Variants in MB21D2 observed in about 807,000 individuals in gnomAD.
The protein encoded by MB21D2 is nucleotidyltransferase MB21D2.
A neutral mutation model predicts 33.3 loss-of-function variants in MB21D2; 9 were observed. The ratio of observed to expected loss-of-function variants is 0.27; its 90% CI spans 0.16 to 0.47. MB21D2 has a LOEUF of 0.47. MB21D2 is among the 20% of genes least tolerant of loss of function. MB21D2 has a pLI of 0.99. For missense variants in MB21D2, 540 were observed against 624.6 expected, an observed-to-expected ratio of 0.86 and a Z score of 1.44; for synonymous variants, 241 against 236.3, an observed-to-expected ratio of 1.02 and a Z score of -0.18.
rs763164683 is a variant in MB21D2 at position 192,823,512 on chromosome 3, G to A, written c.212-23862C>T. Among the ~76,000 whole-genome samples, 18 of 152,184 alleles carry A rather than the reference G, an allele frequency of 1.2e-4. 1 individual carries two copies. Among genetic ancestry groups the A allele is most frequent in the East Asian group, 9.7e-4 (5 of 5,164 alleles). ...CTACCAAAACTACAAAAAATTAGCC[G>A]GGTGTGGTGGCGCATGCCTGTAATC... On this transcript the variant is annotated intron_variant, in intron 1 of 1. Coordinates refer to ENST00000392452, the MANE Select transcript of MB21D2 (RefSeq NM_178496.4).
chr3:192,849,309 C>CT (rs1430101118), intron 1 of MB21D2, among the ~76,000 whole-genome samples: 2,029 of 69,198 alleles, frequency 0.029, 101 homozygotes, highest in African/African-American at 0.063. Flanking sequence ...TTTCACGTCT[C>CT]TTTTTTTGGG....
intron 1 of MB21D2, among the ~76,000 whole-genome samples, chr3:192,810,305 G>C (rs1364833784): frequency 6.6e-6 from 1 of 152,138 alleles, no homozygotes; most frequent in Non-Finnish European, 1.5e-5. Context: ...AAAAAAAGGT[G>C]TCACTATCCA....
intron 1 of MB21D2, among the ~76,000 whole-genome samples, chr3:192,823,974 G>A (rs1437685793): frequency 1.3e-5 from 2 of 152,112 alleles, no homozygotes; most frequent in Non-Finnish European, 1.5e-5. Context: ...TGCATTTCAG[G>A]AACTTGTTTT....
intron 1 of MB21D2, among the ~76,000 whole-genome samples, chr3:192,839,508 A>C (rs969330842): frequency 6.6e-6 from 1 of 152,234 alleles, no homozygotes; most frequent in Admixed American, 6.5e-5. Flanking sequence ...TAAATGTTTA[A>C]ATGTCCATTT....
At position 192,845,608 on chromosome 3, in the gene MB21D2, T is replaced by C. The variant is rs377700846; in HGVS notation, c.212-45958A>G. Among the ~76,000 whole-genome samples, 7 of 152,282 alleles carry C rather than the reference T, an allele frequency of 4.6e-5. No homozygotes were observed. The East Asian group carries it at 7.7e-4, about 17-fold the overall frequency. ...TCTGAATGTTCCACACCCTAACGGG[T>C]TGATAATCTCTGCCTTCACCACAGT... is the stretch of plus-strand genomic sequence containing the variant. On this transcript the variant is annotated intron_variant, in intron 1 of 1. Transcript: ENST00000392452.
chr3:192,812,759 C>G (rs1038834065), intron 1 of MB21D2, among the ~76,000 whole-genome samples: 4 of 152,182 alleles, frequency 2.6e-5, no homozygotes, highest in African/African-American at 9.7e-5. Context: ...TTTTAGTCAA[C>G]AACCTCATCA....
At chr3:192,887,929 A>AGGTGCT (rs1312373683) in intron 1 of MB21D2, among the ~76,000 whole-genome samples, 1 of 151,980 alleles carries the variant, frequency 6.6e-6, no homozygotes, top group East Asian at 1.9e-4. Context: ...ACAAGCTCCC[A>AGGTGCT]GGTGCTGGTG....
intron 1 of MB21D2, among the ~76,000 whole-genome samples, chr3:192,831,951 A>G (rs903938987): frequency 6.6e-6 from 1 of 152,134 alleles, no homozygotes; most frequent in African/African-American, 2.4e-5. Flanking sequence ...TTGCCAACTC[A>G]CTTTTAATGC....
chr3:192,895,972 C>A (rs11716856), intron 1 of MB21D2, among the ~76,000 whole-genome samples: 10,524 of 152,176 alleles, frequency 0.069, 519 homozygotes, highest in Non-Finnish European at 0.1. Flanking sequence ...TATGCTACTT[C>A]TCTTTTTACA....
At chr3:192,905,049 G>A (rs1374905049) in intron 1 of MB21D2, among the ~76,000 whole-genome samples, 1 of 152,238 alleles carries the variant, frequency 6.6e-6, no homozygotes, top group Non-Finnish European at 1.5e-5. Flanking sequence ...ACAAACTGTT[G>A]AGTTGCCTTT....
At chr3:192,813,299 AATT>A (rs143483683) in intron 1 of MB21D2, among the ~76,000 whole-genome samples, 72,053 of 147,428 alleles carry the variant, frequency 0.49, 17,426 homozygotes, top group South Asian at 0.56. Flanking sequence ...TACTGCAGTT[AATT>A]TTTTTTTTTT....
intron 1 of MB21D2, among the ~76,000 whole-genome samples, chr3:192,857,647 A>G (rs1439260735): frequency 6.6e-6 from 1 of 152,174 alleles, no homozygotes; most frequent in Non-Finnish European, 1.5e-5. Context: ...TAAAGAGAAA[A>G]AAAAAAACCT....
intron 1 of MB21D2, among the ~76,000 whole-genome samples, chr3:192,878,533 C>T (rs1283921201): frequency 1.3e-5 from 2 of 152,070 alleles, no homozygotes; most frequent in African/African-American, 2.4e-5. Context: ...TTTTTATAGC[C>T]CTAAAAAACA....
At chr3:192,849,964 G>T (rs1431564181) in intron 1 of MB21D2, among the ~76,000 whole-genome samples, 1 of 151,094 alleles carries the variant, frequency 6.6e-6, no homozygotes, top group Admixed American at 6.6e-5. Context: ...TGTCACCCAG[G>T]CCGGAGTGCA....
intron 1 of MB21D2, among the ~76,000 whole-genome samples, chr3:192,892,535 G>T (rs1470692736): frequency 6.6e-6 from 1 of 152,176 alleles, no homozygotes; most frequent in Non-Finnish European, 1.5e-5. Context: ...CTGCCTCCCA[G>T]GTTCAAGAGA....
chr3:192,908,796 G>A (rs1009213583), intron 1 of MB21D2, among the ~76,000 whole-genome samples: 4 of 151,958 alleles, frequency 2.6e-5, no homozygotes, highest in African/African-American at 4.8e-5. Flanking sequence ...AAAATAAAGC[G>A]GACATAAGGT....
In MB21D2 at chr3:192,797,636, TATA is replaced by T. The variant is rs887454885; in HGVS notation, c.*747_*749del. ...GGCAAAGATTAGTGCAAATAATAAT[TATA>T]ATGGTATGTTCTTTAATAGGATTTA... On this transcript the variant is annotated 3_prime_UTR_variant, in exon 2 of 2. Coordinates refer to ENST00000392452, the MANE Select transcript of MB21D2 (RefSeq NM_178496.4). 1.3e-5 allele frequency: 2 copies of T among 152,648 alleles called. No homozygotes were observed. Among genetic ancestry groups the T allele is most frequent in the African/African-American group, 4.8e-5 (2 of 41,452 alleles). The allele number at this position is 152,648 out of a possible 1,614,324, so 9.5% of individuals were successfully genotyped here.
At chr3:192,898,973 G>A (rs1002692063) in intron 1 of MB21D2, among the ~76,000 whole-genome samples, 11 of 152,218 alleles carry the variant, frequency 7.2e-5, no homozygotes, top group Admixed American at 1.3e-4. Context: ...AAAGGCCAAC[G>A]TGGTTGAAAT....
chr3:192,798,436 G>C lies in MB21D2; in HGVS notation c.1426C>G (p.Pro476Ala), dbSNP rs1481180368. Residue 476 changes from proline (P) to alanine (A), a missense_variant, in exon 2 of 2, where the codon CCT becomes GCT. Coordinates refer to ENST00000392452, the MANE Select transcript of MB21D2 (RefSeq NM_178496.4). The surrounding 1 kb of genome is among the most constrained non-coding windows in gnomAD (Gnocchi z 4.8). ...AAATGGGGCCTTGTGACATCGTCAG[G>C]ATTGATAAAGACAGAGATTGACTTT... ...PGKSISVFINPDDVTRPHFRI... is the reference protein window; with the variant it reads ...PGKSISVFINADDVTRPHFRI... 3.7e-6 allele frequency: 6 copies of C among 1,614,098 alleles called. No individual in the cohort carries two copies. The highest frequency in any genetic ancestry group is 4.2e-6 in the Non-Finnish European group (5 of 1,180,054).
Sources: gnomAD v4.1 joint callset for allele counts (sites outside exome capture counted in the v4.1 genomes callset) on GRCh38, gnomAD v4.1.1 for gene constraint, Gnocchi (gnomAD v3.1) non-coding constraint, MANE v1.5 for transcripts, NCBI Gene and HGNC (gene_info 2026-07-23, HGNC 2026-07-21) for gene names.